ZNF804A: variants seen among roughly 807,000 people sequenced by gnomAD.
ZNF804A encodes the protein zinc finger protein 804A.
A neutral mutation model predicts 16.5 loss-of-function variants in ZNF804A; 2 were observed. That is an observed-to-expected ratio of 0.12 (90% CI 0.05 to 0.38). The LOEUF is 0.38. ZNF804A is among the 10% of genes least tolerant of loss of function. ZNF804A has a pLI of 0.99. For synonymous variants in ZNF804A, 534 were observed against 489.6 expected (o/e 1.09, Z -1.20); for missense variants, 1,473 against 1,390.7 (o/e 1.06, Z -0.94).
chr2:184,888,745 T>C (rs913396547), intron 2 of ZNF804A, among the ~76,000 whole-genome samples: 31 of 152,104 alleles, frequency 2.0e-4, no homozygotes, highest in African/African-American at 7.0e-4. Flanking sequence ...TTTTACTTAT[T>C]GGAGGCATAA....
intron 1 of ZNF804A, among the ~76,000 whole-genome samples, chr2:184,750,541 A>G (rs1463838424): frequency 1.3e-5 from 2 of 151,326 alleles, no homozygotes; most frequent in Non-Finnish European, 3.0e-5. Flanking sequence ...CAAAAATTGC[A>G]CATTTTTAAT....
intron 1 of ZNF804A, among the ~76,000 whole-genome samples, chr2:184,695,956 A>G: frequency 6.6e-6 from 1 of 152,202 alleles, no homozygotes; most frequent in East Asian, 1.9e-4. Flanking sequence ...TATATTATCT[A>G]TAAATCAGTT....
intron 1 of ZNF804A, among the ~76,000 whole-genome samples, chr2:184,683,028 C>G (rs1277843879): frequency 6.6e-6 from 1 of 151,934 alleles, no homozygotes; most frequent in Non-Finnish European, 1.5e-5. Context: ...AGAGTGAGAC[C>G]CTGTCTCAAA....
chr2:184,834,502 C>A (rs1695312232), intron 1 of ZNF804A, among the ~76,000 whole-genome samples: 1 of 152,040 alleles, frequency 6.6e-6, no homozygotes, highest in African/African-American at 2.4e-5. Flanking sequence ...GTGGACAGAG[C>A]TAGAAAATGT....
intron 1 of ZNF804A, among the ~76,000 whole-genome samples, chr2:184,618,693 C>T (rs901871863): frequency 2.0e-5 from 3 of 151,936 alleles, no homozygotes; most frequent in African/African-American, 7.2e-5. Flanking sequence ...CTGAAACCTT[C>T]TATATACTAT....
intron 1 of ZNF804A, among the ~76,000 whole-genome samples, chr2:184,618,184 A>G (rs1446382643): frequency 6.6e-6 from 1 of 152,102 alleles, no homozygotes; most frequent in Non-Finnish European, 1.5e-5. Flanking sequence ...ATCATTCAAT[A>G]TTGCCTCCAA....
At chr2:184,718,045 G>A (rs189352909) in intron 1 of ZNF804A, among the ~76,000 whole-genome samples, 1 of 152,222 alleles carries the variant, frequency 6.6e-6, no homozygotes, top group Non-Finnish European at 1.5e-5. Flanking sequence ...ATATACCTGG[G>A]ACTGAGCAAT....
At chr2:184,694,100 A>G (rs1286099751) in intron 1 of ZNF804A, among the ~76,000 whole-genome samples, 4 of 145,604 alleles carry the variant, frequency 2.7e-5, no homozygotes. Context: ...TGCTATTTTT[A>G]TTTTTACTTT....
chr2:184,763,290 G>A (rs1345941426), intron 1 of ZNF804A, among the ~76,000 whole-genome samples: 4 of 152,020 alleles, frequency 2.6e-5, no homozygotes, highest in Admixed American at 6.6e-5. Flanking sequence ...TATGACCAGC[G>A]TCTTTATAAC....
chr2:184,729,997 T>A (rs896149025), intron 1 of ZNF804A, among the ~76,000 whole-genome samples: 2 of 152,140 alleles, frequency 1.3e-5, no homozygotes, highest in African/African-American at 2.4e-5. Context: ...TCCTGACTCA[T>A]AGTATATGAC....
intron 1 of ZNF804A, among the ~76,000 whole-genome samples, chr2:184,739,884 T>C (rs1693688325): frequency 6.6e-6 from 1 of 152,196 alleles, no homozygotes; most frequent in African/African-American, 2.4e-5. Flanking sequence ...CTGACTATGA[T>C]TAGAATCAGT....
At chr2:184,905,051 T>A (rs766202910) in intron 2 of ZNF804A, among the ~76,000 whole-genome samples, 1 of 151,776 alleles carries the variant, frequency 6.6e-6, no homozygotes. Flanking sequence ...AGGCACTATT[T>A]CTATGTTGAA....
chr2:184,803,131 A>G (rs76841808), intron 1 of ZNF804A, among the ~76,000 whole-genome samples: 142 of 152,284 alleles, frequency 9.3e-4, no homozygotes, highest in African/African-American at 3.3e-3. Context: ...CTATCACCCT[A>G]TTAGAGCCAC....
intron 1 of ZNF804A, among the ~76,000 whole-genome samples, chr2:184,675,876 A>G (rs1459090676): frequency 2.0e-5 from 3 of 151,724 alleles, no homozygotes; most frequent in East Asian, 3.8e-4. Flanking sequence ...TTATCATTGA[A>G]CTAGATAAGC....
At chr2:184,845,508 C>G (rs1175932339) in intron 1 of ZNF804A, among the ~76,000 whole-genome samples, 2 of 152,042 alleles carry the variant, frequency 1.3e-5, no homozygotes, top group East Asian at 3.9e-4. Flanking sequence ...CAATGTTGCC[C>G]ACACTTCCCC....
intron 2 of ZNF804A, among the ~76,000 whole-genome samples, chr2:184,885,922 C>A (rs958375473): frequency 6.6e-6 from 1 of 152,108 alleles, no homozygotes; most frequent in Non-Finnish European, 1.5e-5. Flanking sequence ...TCATTCCAAC[C>A]GTGGCCTCTC....
intron 1 of ZNF804A, among the ~76,000 whole-genome samples, chr2:184,628,865 G>A (rs748986037): frequency 2.6e-5 from 4 of 152,130 alleles, no homozygotes; most frequent in Non-Finnish European, 5.9e-5. Context: ...TTCTCTGATA[G>A]CAGTAGGTTG....
At chr2:184,842,505 A>G (rs1482552134) in intron 1 of ZNF804A, among the ~76,000 whole-genome samples, 1 of 151,538 alleles carries the variant, frequency 6.6e-6, no homozygotes, top group African/African-American at 2.4e-5. Context: ...TTCCTTTTGG[A>G]GCTGGGATTT....
intron 2 of ZNF804A, among the ~76,000 whole-genome samples, chr2:184,903,565 C>A (rs1296882629): frequency 6.6e-6 from 1 of 152,094 alleles, no homozygotes; most frequent in Non-Finnish European, 1.5e-5. Flanking sequence ...GCATTCCTCG[C>A]CCAGTTGTTA....
Sources: gnomAD v4.1 joint callset for allele counts (sites outside exome capture counted in the v4.1 genomes callset) on GRCh38, gnomAD v4.1.1 for gene constraint, MANE v1.5 for transcripts, NCBI Gene and HGNC (gene_info 2026-07-23, HGNC 2026-07-21) for gene names.